LUZP2: variants seen among roughly 807,000 people sequenced by gnomAD.
The protein encoded by LUZP2 is leucine zipper protein 2.
Under a neutral mutation model 51.6 loss-of-function variants are expected in LUZP2, and 52 were observed. The ratio of observed to expected loss-of-function variants is 1.01; its 90% CI spans 0.81 to 1.27. LUZP2 has a LOEUF of 1.27. LUZP2 is among the 50% of genes most tolerant of loss of function. The pLI is 0.00. For missense variants in LUZP2, 436 were observed against 395.4 expected (o/e 1.10, Z -0.87); for synonymous variants, 154 against 137.3 (o/e 1.12, Z -0.85).
At chr11:24,535,507 A>C (rs891257663) in intron 1 of LUZP2, among the ~76,000 whole-genome samples, 1 of 151,640 alleles carries the variant, frequency 6.6e-6, no homozygotes, top group Admixed American at 6.6e-5. Context: ...TATCTTTACC[A>C]GGAGTAGATT....
chr11:24,917,105 T>A (rs896810942), intron 7 of LUZP2, among the ~76,000 whole-genome samples: 1 of 152,228 alleles, frequency 6.6e-6, no homozygotes, highest in African/African-American at 2.4e-5. Context: ...CATTTTTTCA[T>A]GTGTCTGTTG....
intron 1 of LUZP2, among the ~76,000 whole-genome samples, chr11:24,659,030 A>G (rs985525414): frequency 4.6e-5 from 7 of 152,220 alleles, no homozygotes; most frequent in African/African-American, 1.7e-4. Flanking sequence ...TCAGGGATCT[A>G]GAACTAGAAA....
intron 1 of LUZP2, among the ~76,000 whole-genome samples, chr11:24,685,849 A>G (rs1237799448): frequency 2.0e-5 from 3 of 152,232 alleles, no homozygotes; most frequent in Admixed American, 2.0e-4. Flanking sequence ...GAATGAATAA[A>G]TAAATAGTTT....
chr11:24,802,399 A>T (rs1337283174), intron 5 of LUZP2, among the ~76,000 whole-genome samples: 2 of 151,868 alleles, frequency 1.3e-5, no homozygotes, highest in Non-Finnish European at 2.9e-5. Flanking sequence ...AGTTTTGGTG[A>T]CTGTATAGAC....
chr11:25,074,849 A>T (rs1185463198), intron 10 of LUZP2, among the ~76,000 whole-genome samples: 1 of 152,122 alleles, frequency 6.6e-6, no homozygotes, highest in Non-Finnish European at 1.5e-5. Flanking sequence ...CAAGATCAAA[A>T]CTTTAAGATA....
intron 1 of LUZP2, among the ~76,000 whole-genome samples, chr11:24,709,890 G>A (rs1222143309): frequency 2.0e-5 from 3 of 152,142 alleles, no homozygotes; most frequent in Non-Finnish European, 4.4e-5. Flanking sequence ...GGATGAAAAA[G>A]TTAACTTTGG....
intron 2 of LUZP2, among the ~76,000 whole-genome samples, chr11:24,729,617 G>A (rs560743158): frequency 6.6e-6 from 1 of 151,852 alleles, no homozygotes; most frequent in Non-Finnish European, 1.5e-5. Flanking sequence ...ATGACTCCTA[G>A]AAGAGAATTT....
rs369517628 is a variant in LUZP2, at chr11:24,865,991, G to A, written c.397-40000G>A. ...TGCCCAGCTAATTTTTGTATTTTTAGTAGAGAGGGGTTTCACCATGTTTGC... is the reference window on the plus strand; with the variant it reads ...TGCCCAGCTAATTTTTGTATTTTTAATAGAGAGGGGTTTCACCATGTTTGC... On this transcript the variant is annotated intron_variant, in intron 5 of 11. Coordinates refer to ENST00000336930, the MANE Select transcript of LUZP2 (RefSeq NM_001009909.4). 5.9e-5 allele frequency among the ~76,000 whole-genome samples: 9 copies of A among 151,440 alleles called. No homozygotes were observed. The East Asian group carries it at 1.2e-3, about 20-fold the overall frequency.
intron 7 of LUZP2, among the ~76,000 whole-genome samples, chr11:24,952,491 T>G (rs10767279): frequency 0.5 from 75,680 of 151,328 alleles, 19,305 homozygotes; most frequent in Non-Finnish European, 0.52. Flanking sequence ...GAATGGGGAA[T>G]TGAGATTTCC....
In LUZP2 at chr11:24,545,555, C is replaced by CTTTTTTTTTTTTTTT. The variant is rs3992984; in HGVS notation, c.62+48253_62+48267dup. On this transcript the variant is annotated intron_variant, in intron 1 of 11. Transcript: ENST00000336930. ...TGGGGAGTCCTTTCATTGTTGCTTG[C>CTTTTTTTTTTTTTTT]TTTTTTTTTTTTTTTTTGACAGCTT... is the stretch of plus-strand genomic sequence containing the variant. Among the ~76,000 whole-genome samples the CTTTTTTTTTTTTTTT allele has an allele frequency of 4.1e-5, 5 of 120,790 alleles. 2 individuals are homozygous for CTTTTTTTTTTTTTTT. Among genetic ancestry groups the CTTTTTTTTTTTTTTT allele is most frequent in the African/African-American group, 3.1e-5 (1 of 32,316 alleles). 79.2% of individuals were successfully genotyped at this position (120,790 alleles called of 152,430 possible).
At chr11:24,738,667 C>T (rs1236013875) in intron 4 of LUZP2, among the ~76,000 whole-genome samples, 2 of 152,030 alleles carry the variant, frequency 1.3e-5, no homozygotes, top group East Asian at 1.9e-4. Context: ...CCCACATCCA[C>T]TGAATAAGGA....
intron 1 of LUZP2, among the ~76,000 whole-genome samples, chr11:24,560,482 A>G (rs1852005004): frequency 6.6e-6 from 1 of 152,296 alleles, no homozygotes; most frequent in East Asian, 1.9e-4. Flanking sequence ...GCTTTACATT[A>G]TAAAAAACTC....
At chr11:24,822,025 G>GTT (rs563790075) in intron 5 of LUZP2, among the ~76,000 whole-genome samples, 1 of 143,166 alleles carries the variant, frequency 7.0e-6, no homozygotes, top group East Asian at 2.0e-4. Flanking sequence ...TTATGCAGGG[G>GTT]TTTTTTTTTT....
At chr11:24,974,960 G>A (rs899006121) in intron 7 of LUZP2, among the ~76,000 whole-genome samples, 44 of 152,074 alleles carry the variant, frequency 2.9e-4, no homozygotes, top group Non-Finnish European at 3.1e-4. Context: ...GTTGCCTGGG[G>A]GTCAGTGATC....
chr11:24,957,672 A>C (rs1294447110), intron 7 of LUZP2, among the ~76,000 whole-genome samples: 1 of 152,092 alleles, frequency 6.6e-6, no homozygotes, highest in African/African-American at 2.4e-5. Flanking sequence ...AAATGACAAA[A>C]TTTATTTCTT....
chr11:25,068,745 G>T (rs1218454832), intron 10 of LUZP2, among the ~76,000 whole-genome samples: 4 of 151,922 alleles, frequency 2.6e-5, no homozygotes, highest in Non-Finnish European at 5.9e-5. Context: ...ATAACTGCCA[G>T]ATTCAGTATA....
chr11:25,027,276 T>C (rs1012623477), intron 9 of LUZP2, among the ~76,000 whole-genome samples: 14 of 152,172 alleles, frequency 9.2e-5, no homozygotes, highest in Non-Finnish European at 1.3e-4. Flanking sequence ...AGTACAGTGA[T>C]ATTTATCTTC....
At chr11:24,863,598 G>A (rs1306202745) in intron 5 of LUZP2, among the ~76,000 whole-genome samples, 1 of 151,406 alleles carries the variant, frequency 6.6e-6, no homozygotes, top group Non-Finnish European at 1.5e-5. Flanking sequence ...TTTTTGGGGG[G>A]AAGCGGTGAT....
At chr11:24,583,879 A>ATT (rs35895335) in intron 1 of LUZP2, among the ~76,000 whole-genome samples, 7 of 141,352 alleles carry the variant, frequency 5.0e-5, no homozygotes, top group South Asian at 2.3e-4. Flanking sequence ...AATTTTTTGT[A>ATT]TTTTTTTTTT....
Sources: gnomAD v4.1 joint callset for allele counts (sites outside exome capture counted in the v4.1 genomes callset) on GRCh38, gnomAD v4.1.1 for gene constraint, MANE v1.5 for transcripts, NCBI Gene and HGNC (gene_info 2026-07-23, HGNC 2026-07-21) for gene names.